Variants in TBC1D19 observed in about 807,000 individuals in gnomAD.
TBC1D19 encodes the protein TBC1 domain family, member 19.
TBC1D19 carries 60 observed loss-of-function variants against 89.0 expected under a neutral mutation model. The ratio of observed to expected loss-of-function variants is 0.67; its 90% confidence interval spans 0.55 to 0.84. The LOEUF (loss-of-function observed/expected upper bound fraction) is 0.84. TBC1D19 is among the 40% of genes least tolerant of loss of function. The pLI, the probability that TBC1D19 is intolerant of heterozygous loss-of-function variation, is 0.00. For synonymous variants in TBC1D19, 189 were observed against 199.7 expected, an observed-to-expected ratio of 0.95 and a Z score of 0.45; for missense variants, 500 against 610.8, an observed-to-expected ratio of 0.82 and a Z score of 1.91.
At chr4:26,590,299 G>A (rs994593734) in intron 1 of TBC1D19, among the ~76,000 whole-genome samples, 3 of 152,156 alleles carry the variant, frequency 2.0e-5, no homozygotes, top group African/African-American at 2.4e-5. Flanking sequence ...TTGGCTGGGG[G>A]TGACATTCTT....
At chr4:26,603,553 T>C (rs1740769672) in intron 1 of TBC1D19, among the ~76,000 whole-genome samples, 1 of 152,124 alleles carries the variant, frequency 6.6e-6, no homozygotes, top group Admixed American at 6.5e-5. Flanking sequence ...CAGTTACATA[T>C]ATGTATGAGG....
intron 18 of TBC1D19, 33 bp downstream of exon 18, chr4:26,742,632 ATAGT>A: frequency 6.4e-7 from 1 of 1,569,616 alleles, no homozygotes; most frequent in East Asian, 2.2e-5. Flanking sequence ...TGAAGAATAG[ATAGT>A]TTCACAGAAA....
intron 4 of TBC1D19, among the ~76,000 whole-genome samples, chr4:26,627,548 T>C (rs1447458930): frequency 6.6e-6 from 1 of 152,128 alleles, no homozygotes; most frequent in South Asian, 2.1e-4. Context: ...CTCTCCAGCA[T>C]CTGTTGTCTC....
intron 3 of TBC1D19, 22 bp from the exon 4 acceptor site, chr4:26,620,591 A>T: frequency 6.2e-7 from 1 of 1,606,388 alleles, no homozygotes; most frequent in Non-Finnish European, 8.5e-7. Context: ...TGTGATATTT[A>T]GCTGCCTCTT....
At chr4:26,845,453 G>C in the TBC1D19 span, among the ~76,000 whole-genome samples, 2 of 152,112 alleles carry the variant, frequency 1.3e-5, no homozygotes, top group Non-Finnish European at 2.9e-5. Flanking sequence ...CATTCACAAT[G>C]TTTGGCAACT....
the TBC1D19 span, among the ~76,000 whole-genome samples, chr4:26,808,332 C>T: frequency 5.3e-5 from 8 of 152,200 alleles, no homozygotes; most frequent in Non-Finnish European, 7.3e-5. Context: ...GAGTCTCCCT[C>T]TGCGTAAGTA....
At chr4:26,782,538 A>T in the TBC1D19 span, among the ~76,000 whole-genome samples, 1 of 152,194 alleles carries the variant, frequency 6.6e-6, no homozygotes, top group South Asian at 2.1e-4. Context: ...ACTCTTAATT[A>T]TATGTAGTTT....
At chr4:26,851,341 CTATCTATCTATCT>C in the TBC1D19 span, among the ~76,000 whole-genome samples, 2 of 152,192 alleles carry the variant, frequency 1.3e-5, no homozygotes, top group Non-Finnish European at 1.5e-5. Flanking sequence ...ATCTATCTAT[CTATCTATCTATCT>C]ATCTATCATC....
At chr4:26,590,836 G>T in intron 1 of TBC1D19, among the ~76,000 whole-genome samples, 1 of 39,150 alleles carries the variant, frequency 2.6e-5, no homozygotes. Flanking sequence ...TTGTGAGTCA[G>T]TGTCTTGCTA....
intron 13 of TBC1D19, among the ~76,000 whole-genome samples, chr4:26,698,630 A>G (rs1715025724): frequency 6.6e-6 from 1 of 152,180 alleles, no homozygotes; most frequent in East Asian, 1.9e-4. Flanking sequence ...AGGCTACAGT[A>G]ACCAAAACAG....
chr4:26,804,920 G>C, the TBC1D19 span, among the ~76,000 whole-genome samples: 1 of 152,200 alleles, frequency 6.6e-6, no homozygotes, highest in Non-Finnish European at 1.5e-5. Flanking sequence ...CGAGACTCAG[G>C]AGCAAGCGGA....
chr4:26,766,362 C>T, the TBC1D19 span, among the ~76,000 whole-genome samples: 5 of 152,298 alleles, frequency 3.3e-5, no homozygotes, highest in East Asian at 9.6e-4. Context: ...AGAAGGCCAA[C>T]CCAGCGTTTC....
rs190502800 is a variant in TBC1D19, at chr4:26,680,355, A to C, written c.817-3320A>C. Among the ~76,000 whole-genome samples the C allele has an allele frequency of 1.4e-4, 22 of 152,218 alleles. No individual in the cohort carries two copies. The East Asian group carries it at 4.2e-3, about 29-fold the overall frequency. ...CCCTATGTTTGTACATGTTCCATCT[A>C]CTTTTAAAAAAAATCTTTTTTTCTG... On this transcript the variant is annotated intron_variant, in intron 11 of 20. Transcript: ENST00000264866.
chr4:26,660,023 A>C (rs991778326), intron 8 of TBC1D19, among the ~76,000 whole-genome samples: 3 of 152,144 alleles, frequency 2.0e-5, no homozygotes, highest in Admixed American at 1.3e-4. Context: ...ACAAATTGTG[A>C]GTTTTATAAG....
At chr4:26,635,135 T>A (rs1273194281) in intron 4 of TBC1D19, among the ~76,000 whole-genome samples, 2 of 152,162 alleles carry the variant, frequency 1.3e-5, no homozygotes, top group Admixed American at 6.5e-5. Context: ...GGATTTTTAA[T>A]ATGTATGCAA....
chr4:26,663,693 C>A (rs1266082032), intron 8 of TBC1D19, among the ~76,000 whole-genome samples: 2 of 152,124 alleles, frequency 1.3e-5, no homozygotes, highest in African/African-American at 4.8e-5. Flanking sequence ...TCCTTTTATT[C>A]CTCAGTCATT....
chr4:26,732,399 T>C (rs1377858825), intron 15 of TBC1D19, among the ~76,000 whole-genome samples: 3 of 152,224 alleles, frequency 2.0e-5, no homozygotes, highest in Non-Finnish European at 4.4e-5. Flanking sequence ...TTTTTCTTCA[T>C]AGCCCTTATT....
chr4:26,763,683 C>A, the TBC1D19 span, among the ~76,000 whole-genome samples: 1 of 152,222 alleles, frequency 6.6e-6, no homozygotes, highest in African/African-American at 2.4e-5. Context: ...ACGTCCTCAA[C>A]CTTGACAAAA....
chr4:26,718,317 T>A (rs373493599), intron 14 of TBC1D19, among the ~76,000 whole-genome samples: 1 of 87,782 alleles, frequency 1.1e-5, no homozygotes, highest in African/African-American at 3.9e-5. Flanking sequence ...CTTTCTAAGT[T>A]TATAACACAG....
Sources: allele counts gnomAD v4.1 joint callset (sites outside exome capture counted in the v4.1 genomes callset), GRCh38; gene constraint gnomAD v4.1.1; transcripts MANE v1.5; gene names NCBI Gene and HGNC (gene_info 2026-07-23, HGNC 2026-07-21).